The following CPED1 variants were observed in gnomAD, a reference collection of about 807,000 sequenced individuals.
CPED1 encodes the protein cadherin-like and PC-esterase domain-containing protein 1.
A neutral mutation model predicts 128.2 loss-of-function variants in CPED1; 114 were observed. That is an observed-to-expected ratio of 0.89 (90% CI 0.76 to 1.04). The LOEUF (loss-of-function observed/expected upper bound fraction) is 1.04. Among genes scored for constraint, CPED1 ranks in the 50% least tolerant of loss-of-function variants. The pLI, the probability that CPED1 is intolerant of heterozygous loss-of-function variation, is 0.00. For synonymous variants in CPED1, 462 were observed against 426.7 expected, an observed-to-expected ratio of 1.08 and a Z score of -1.02; for missense variants, 1,211 against 1,207.1, an observed-to-expected ratio of 1.00 and a Z score of -0.05.
chr7:121,256,215 G>A (rs1791871230), intron 18 of CPED1, among the ~76,000 whole-genome samples: 1 of 150,276 alleles, frequency 6.7e-6, no homozygotes, highest in South Asian at 2.1e-4. Flanking sequence ...AAACAACATG[G>A]TACTGACTCA....
intron 7 of CPED1, among the ~76,000 whole-genome samples, chr7:121,122,015 A>G (rs1185850246): frequency 6.6e-6 from 1 of 152,188 alleles, no homozygotes; most frequent in African/African-American, 2.4e-5. Context: ...GGAGACTTTG[A>G]AAGTTTATGA....
chr7:121,238,899 A>T (rs993093401), intron 17 of CPED1, among the ~76,000 whole-genome samples: 2 of 152,076 alleles, frequency 1.3e-5, no homozygotes, highest in African/African-American at 4.8e-5. Flanking sequence ...ATAAGATTTT[A>T]AAATGATTGC....
At chr7:121,058,717 T>G (rs1194324552) in intron 4 of CPED1, among the ~76,000 whole-genome samples, 1 of 152,222 alleles carries the variant, frequency 6.6e-6, no homozygotes, top group Non-Finnish European at 1.5e-5. Flanking sequence ...CTAATGAGTA[T>G]TCTTAAGGAA....
chr7:121,163,157 C>T (rs1324067399), intron 16 of CPED1, among the ~76,000 whole-genome samples: 1 of 152,142 alleles, frequency 6.6e-6, no homozygotes, highest in Non-Finnish European at 1.5e-5. Flanking sequence ...GACTCCAATC[C>T]ATTTATCCAA....
chr7:121,283,302 C>T (rs1205770315), intron 22 of CPED1, among the ~76,000 whole-genome samples: 1 of 152,128 alleles, frequency 6.6e-6, no homozygotes, highest in Non-Finnish European at 1.5e-5. Flanking sequence ...TGTGAATTTT[C>T]CTATTCTTCT....
intron 7 of CPED1, among the ~76,000 whole-genome samples, chr7:121,106,264 A>G (rs1352493931): frequency 6.6e-6 from 1 of 152,128 alleles, no homozygotes; most frequent in Middle Eastern, 3.2e-3. Context: ...TAATGAACGC[A>G]TAGACATATG....
chr7:121,006,496 TA>T (rs1037745524), intron 2 of CPED1, among the ~76,000 whole-genome samples: 29 of 151,678 alleles, frequency 1.9e-4, no homozygotes, highest in African/African-American at 6.0e-4. Flanking sequence ...AGGACAGGGA[TA>T]GGGGAAGAGT....
intron 16 of CPED1, among the ~76,000 whole-genome samples, chr7:121,174,782 G>T (rs2116479151): frequency 6.6e-6 from 1 of 152,184 alleles, no homozygotes; most frequent in Admixed American, 6.5e-5. Context: ...TAGTTTGATA[G>T]CAGCGGCATG....
intron 8 of CPED1, 140 bp from the exon 9 acceptor site, chr7:121,125,680 A>G (rs1795485504): frequency 1.5e-6 from 1 of 648,934 alleles, no homozygotes; most frequent in South Asian, 1.8e-5. Flanking sequence ...CATGGTGTGT[A>G]TGTGCCACAT....
intron 7 of CPED1, among the ~76,000 whole-genome samples, chr7:121,116,031 A>G (rs1454469876): frequency 1.3e-5 from 2 of 152,218 alleles, no homozygotes; most frequent in African/African-American, 4.8e-5. Context: ...TCCATCATTC[A>G]AAGCAAATAA....
At chr7:121,060,052 C>G (rs1242125384) in intron 4 of CPED1, among the ~76,000 whole-genome samples, 2 of 146,120 alleles carry the variant, frequency 1.4e-5, no homozygotes, top group Non-Finnish European at 2.9e-5. Context: ...GCTTGGCGGG[C>G]CCTGCACTCG....
intron 2 of CPED1, among the ~76,000 whole-genome samples, chr7:121,000,037 A>G (rs370788968): frequency 1.3e-5 from 2 of 152,176 alleles, no homozygotes; most frequent in African/African-American, 4.8e-5. Flanking sequence ...TTGAAAATTC[A>G]TATAAGATAA....
rs927141727 is a variant in CPED1, at chr7:121,098,495, G to C, written c.749+664G>C. Among the ~76,000 whole-genome samples, 14 of 151,838 alleles carry C rather than the reference G, an allele frequency of 9.2e-5. No individual in the cohort carries two copies. The East Asian group carries it at 2.7e-3, about 29-fold the overall frequency. On this transcript the variant is annotated intron_variant, in intron 6 of 22. Transcript: ENST00000310396. ...GCCTGGGATCCCAGTGCTTTGGGAGGTCAAGGCAGGAGGATTATTTAAGCC... is the reference window on the plus strand; with the variant it reads ...GCCTGGGATCCCAGTGCTTTGGGAGCTCAAGGCAGGAGGATTATTTAAGCC...
intron 7 of CPED1, among the ~76,000 whole-genome samples, chr7:121,121,486 A>G (rs550720067): frequency 4.1e-4 from 63 of 152,338 alleles, no homozygotes; most frequent in African/African-American, 1.0e-3. Flanking sequence ...CACTGAAGGA[A>G]GAAAATTTAT....
chr7:121,047,137 A>C, intron 4 of CPED1, 144 bp downstream of exon 4: 1 of 501,822 alleles, frequency 2.0e-6, no homozygotes, highest in Non-Finnish European at 3.5e-6. Flanking sequence ...TGCCTTATAT[A>C]CTTTACCATA....
chr7:121,038,959 T>C (rs1309325092), intron 3 of CPED1, among the ~76,000 whole-genome samples: 1 of 152,254 alleles, frequency 6.6e-6, no homozygotes, highest in Non-Finnish European at 1.5e-5. Flanking sequence ...GTTAACCTGA[T>C]TATCTGACTG....
intron 5 of CPED1, among the ~76,000 whole-genome samples, chr7:121,092,619 A>T (rs556561004): frequency 4.6e-5 from 7 of 152,242 alleles, no homozygotes; most frequent in African/African-American, 1.7e-4. Flanking sequence ...CTACCTTGGG[A>T]TATGTTTTCT....
intron 16 of CPED1, among the ~76,000 whole-genome samples, chr7:121,159,301 T>TA (rs1796360141): frequency 6.6e-6 from 1 of 152,200 alleles, no homozygotes; most frequent in Admixed American, 6.5e-5. Context: ...TTCTGATTTG[T>TA]AAAACTCAAG....
At chr7:121,285,215 G>T (rs1188357129) in intron 22 of CPED1, among the ~76,000 whole-genome samples, 1 of 152,224 alleles carries the variant, frequency 6.6e-6, no homozygotes, top group Non-Finnish European at 1.5e-5. Context: ...AGCTGAAGCA[G>T]CTGGGACACA....
Sources: gnomAD v4.1 joint callset for allele counts (sites outside exome capture counted in the v4.1 genomes callset) on GRCh38, gnomAD v4.1.1 for gene constraint, MANE v1.5 for transcripts, NCBI Gene and HGNC (gene_info 2026-07-23, HGNC 2026-07-21) for gene names.